Variants in CDC14B observed in about 807,000 individuals in gnomAD.
The protein encoded by CDC14B is cell division cycle 14B.
CDC14B carries 22 observed loss-of-function variants against 64.2 expected under a neutral mutation model. The observed-to-expected ratio is 0.34, with a 90% CI of 0.24 to 0.49. CDC14B has a LOEUF of 0.49. Ranked by LOEUF, CDC14B falls within the 20% of genes least tolerant of loss-of-function variation. The probability of loss-of-function intolerance (pLI) is 0.99; values close to 1 mark genes in which losing one functional copy is unlikely to be tolerated. For synonymous variants in CDC14B, 191 were observed against 215.8 expected, an observed-to-expected ratio of 0.89 and a Z score of 1.01; for missense variants, 498 against 629.9, an observed-to-expected ratio of 0.79 and a Z score of 2.24.
chr9:96,601,510 C>T (rs1846453013), intron 1 of CDC14B, among the ~76,000 whole-genome samples: 1 of 146,012 alleles, frequency 6.8e-6, no homozygotes. Flanking sequence ...AAAAAACTTA[C>T]AAAAGGGCCG....
chr9:96,563,229 A>G (rs1340071657), intron 3 of CDC14B, among the ~76,000 whole-genome samples: 1 of 152,222 alleles, frequency 6.6e-6, no homozygotes, highest in Non-Finnish European at 1.5e-5. Context: ...GACAGCATGG[A>G]GGGCTGCTAT....
At chr9:96,494,485 C>CG (rs1833167003) in intron 13 of CDC14B, among the ~76,000 whole-genome samples, 1 of 152,332 alleles carries the variant, frequency 6.6e-6, no homozygotes, top group African/African-American at 2.4e-5. Flanking sequence ...AAAGGCCTAG[C>CG]GGCTCCTGCC....
At chr9:96,533,286 T>C (rs1238541055) in intron 9 of CDC14B, among the ~76,000 whole-genome samples, 1 of 152,234 alleles carries the variant, frequency 6.6e-6, no homozygotes, top group African/African-American at 2.4e-5. Flanking sequence ...ATTTCTTCCC[T>C]TTGAATAGGC....
chr9:96,573,633 A>G (rs1041886619), intron 1 of CDC14B, among the ~76,000 whole-genome samples: 5 of 152,220 alleles, frequency 3.3e-5, no homozygotes, highest in African/African-American at 7.2e-5. Flanking sequence ...CATGTAAATT[A>G]CATGCTAATA....
intron 1 of CDC14B, among the ~76,000 whole-genome samples, chr9:96,607,198 A>G (rs111779603): frequency 0.015 from 2,296 of 152,114 alleles, 60 homozygotes; most frequent in African/African-American, 0.052. Flanking sequence ...AAAAAATTCT[A>G]TTAGCACTGT....
chr9:96,551,111 C>CTTTTTTTTTTTTTTT lies in CDC14B; in HGVS notation c.497+670_497+684dup, dbSNP rs202193145. Among the ~76,000 whole-genome samples, 130 of 93,284 alleles carry CTTTTTTTTTTTTTTT rather than the reference C, an allele frequency of 1.4e-3. 18 individuals carry two copies. Among genetic ancestry groups the CTTTTTTTTTTTTTTT allele is most frequent in the African/African-American group, 4.6e-3 (93 of 20,372 alleles). The allele number at this position is 93,284 out of a possible 152,430, so 61.2% of individuals were successfully genotyped here. ...TACAAAGCCTAGGTTTTGGGGTTTG[C>CTTTTTTTTTTTTTTT]TTTTTTTTTTTTTTTTTTTGAGACA... On this transcript the variant is annotated intron_variant, in intron 5 of 13. Transcript: ENST00000375241.
At chr9:96,545,198 A>G (rs773773837) in intron 5 of CDC14B, among the ~76,000 whole-genome samples, 1 of 152,222 alleles carries the variant, frequency 6.6e-6, no homozygotes, top group African/African-American at 2.4e-5. Context: ...TTAGGTAGAG[A>G]AACTAAGGCA....
chr9:96,535,466 T>C (rs576964355), intron 7 of CDC14B, among the ~76,000 whole-genome samples: 27 of 152,354 alleles, frequency 1.8e-4, no homozygotes, highest in African/African-American at 6.0e-4. Context: ...TCCTTTGGAT[T>C]GAGTTACCAT....
intron 9 of CDC14B, among the ~76,000 whole-genome samples, chr9:96,532,670 C>T (rs1005067717): frequency 3.3e-5 from 5 of 152,080 alleles, no homozygotes; most frequent in African/African-American, 7.2e-5. Context: ...CTTTCTGTTC[C>T]TCAGACTTGC....
At chr9:96,567,090 G>T in intron 1 of CDC14B, 2 of 831,722 alleles carry the variant, frequency 2.4e-6, no homozygotes, top group East Asian at 3.3e-5. Flanking sequence ...CCGCCTGGCC[G>T]CCCGCCTTCC....
chr9:96,503,951 T>C (rs982345468), intron 13 of CDC14B, among the ~76,000 whole-genome samples, 162 bp from the exon 14 acceptor site: 4 of 151,896 alleles, frequency 2.6e-5, no homozygotes, highest in Non-Finnish European at 5.9e-5. Context: ...GACAACACAA[T>C]ATCAACCACA....
intron 12 of CDC14B, among the ~76,000 whole-genome samples, chr9:96,510,389 T>G (rs1249430022): frequency 6.6e-6 from 1 of 152,172 alleles, no homozygotes; most frequent in Non-Finnish European, 1.5e-5. Flanking sequence ...TTTGTAAAGC[T>G]TGCCTTAATT....
intron 11 of CDC14B, among the ~76,000 whole-genome samples, chr9:96,522,937 C>G (rs1460188585): frequency 6.6e-6 from 1 of 152,198 alleles, no homozygotes; most frequent in African/African-American, 2.4e-5. Context: ...TTGTTAAAAG[C>G]TCTCTATTTG....
Position 96,541,900 on chromosome 9 carries a change from C to A in CDC14B, c.498-8G>T, listed in dbSNP as rs1351973323. The A allele has an allele frequency of 1.3e-6, 2 of 1,597,630 alleles. No homozygotes were observed. Among genetic ancestry groups the A allele is most frequent in the Non-Finnish European group, 1.7e-6 (2 of 1,168,082 alleles). Reference sequence around the variant, plus strand: ...CTTCCATAGGCAGCATCTCTGAAACCCAAGAGTAATAAAATGTAGATCAGT... The same window carrying A: ...CTTCCATAGGCAGCATCTCTGAAACACAAGAGTAATAAAATGTAGATCAGT... On this transcript the variant is annotated splice_polypyrimidine_tract_variant and splice_region_variant and intron_variant, in intron 5 of 13. Transcript: ENST00000375241.
intron 5 of CDC14B, among the ~76,000 whole-genome samples, chr9:96,542,691 C>T (rs941134547): frequency 3.3e-5 from 5 of 150,902 alleles, no homozygotes; most frequent in Non-Finnish European, 5.9e-5. Context: ...GATGGAGTCT[C>T]ATTATGATAC....
In CDC14B at chr9:96,500,592, G is replaced by A. The variant is rs545767481; in HGVS notation, c.*3161C>T. On this transcript the variant is annotated 3_prime_UTR_variant, in exon 14 of 14. Transcript: ENST00000375241. The stretch of plus-strand genomic sequence containing the variant: ...ACATCTGGAGTCATCTCCACTGAGT[G>A]ACATGGAGAATAACCTGATGTGGGT... The A allele has an allele frequency of 6.5e-6, 1 of 152,794 alleles. No individual in the cohort carries two copies. Among genetic ancestry groups the A allele is most frequent in the East Asian group, 1.9e-4 (1 of 5,182 alleles). The allele number at this position is 152,794 out of a possible 1,614,324, so 9.5% of individuals were successfully genotyped here. A position where few individuals can be genotyped will look rare whatever the true frequency, so the allele number is the denominator to read the frequency against.
intron 1 of CDC14B, among the ~76,000 whole-genome samples, chr9:96,576,212 G>A (rs1187384199): frequency 6.6e-6 from 1 of 151,902 alleles, no homozygotes; most frequent in Non-Finnish European, 1.5e-5. Flanking sequence ...CCCAGGAGAC[G>A]GAGGTTGCAG....
At chr9:96,538,369 A>T (rs1839574956) in intron 7 of CDC14B, among the ~76,000 whole-genome samples, 1 of 152,172 alleles carries the variant, frequency 6.6e-6, no homozygotes, top group Non-Finnish European at 1.5e-5. Context: ...TTCACTCTAT[A>T]CACGTCTAAA....
chr9:96,610,329 T>G lies in CDC14B; in HGVS notation c.160+8890A>C, dbSNP rs144371000. 9.9e-3 allele frequency among the ~76,000 whole-genome samples: 1,509 copies of G among 152,068 alleles called. 19 individuals are homozygous for G. The highest frequency in any genetic ancestry group is 0.035 in the African/African-American group (1,435 of 41,488). On this transcript the variant is annotated intron_variant, in intron 1 of 13. Coordinates refer to ENST00000375241, the MANE Select transcript of CDC14B (RefSeq NM_033331.4). Reference sequence around the variant, plus strand: ...TTCTCCTGCCTCAGCCTCCTGAGTATCTGGGACTACAGGTGCCCGCCACCA... The same window carrying G: ...TTCTCCTGCCTCAGCCTCCTGAGTAGCTGGGACTACAGGTGCCCGCCACCA...
Sources: gnomAD v4.1 joint callset for allele counts (sites outside exome capture counted in the v4.1 genomes callset) on GRCh38, gnomAD v4.1.1 for gene constraint, MANE v1.5 for transcripts, NCBI Gene and HGNC (gene_info 2026-07-23, HGNC 2026-07-21) for gene names.